Variants in CNNM2 observed in about 807,000 individuals in gnomAD.
CNNM2 encodes the protein metal transporter CNNM2.
Under a neutral mutation model 66.9 loss-of-function variants are expected in CNNM2, and 12 were observed. The observed-to-expected ratio is 0.18, with a 90% CI of 0.11 to 0.29. The LOEUF (loss-of-function observed/expected upper bound fraction) is 0.29, where lower values mean the gene tolerates loss of function less well. Among genes scored for constraint, CNNM2 ranks in the 10% least tolerant of loss-of-function variants. The pLI is 1.00. For synonymous variants in CNNM2, 557 were observed against 501.8 expected (o/e 1.11, Z -1.47); for missense variants, 705 against 1,167.7 (o/e 0.60, Z 5.77).
In CNNM2 at chr10:103,081,722, C is replaced by T. The variant is rs10458729; in HGVS notation, c.*4542C>T. On this transcript the variant is annotated 3_prime_UTR_variant, in exon 8 of 8. Transcript: ENST00000369878. ...CTAGCACTTGCAAGCTTTCTGTCTG[C>T]GATCACGGTTTACTTGCCCATTTCC... is the stretch of plus-strand genomic sequence containing the variant. The T allele has an allele frequency of 0.094, 14,288 of 152,210 alleles. 872 individuals carry two copies. Among genetic ancestry groups the T allele is most frequent in the East Asian group, 0.28 (1,429 of 5,168 alleles). The allele number at this position is 152,210 out of a possible 1,614,324, so 9.4% of individuals were successfully genotyped here.
intron 6 of CNNM2, among the ~76,000 whole-genome samples, chr10:103,072,384 C>A (rs999022001): frequency 6.6e-6 from 1 of 152,220 alleles, no homozygotes; most frequent in African/African-American, 2.4e-5. Flanking sequence ...GGAGCGCGAG[C>A]GCCTCTGCTG....
Position 102,940,710 on chromosome 10 carries a change from G to A in CNNM2, c.1621+20609G>A, listed in dbSNP as rs375315676. Among the ~76,000 whole-genome samples, 20 of 150,242 alleles carry A rather than the reference G, an allele frequency of 1.3e-4. No homozygotes were observed. The East Asian group carries it at 1.6e-3, about 12-fold the overall frequency. ...TGGGATTACAGGTGTGAGCCACCGC[G>A]CCTGGTCCTTATTTTATTATTATTT... On this transcript the variant is annotated intron_variant, in intron 1 of 7. Coordinates refer to ENST00000369878, the MANE Select transcript of CNNM2 (RefSeq NM_017649.5).
chr10:102,940,002 A>G (rs930404414), intron 1 of CNNM2, among the ~76,000 whole-genome samples: 3 of 151,042 alleles, frequency 2.0e-5, no homozygotes, highest in African/African-American at 7.3e-5. Flanking sequence ...AACAACAACA[A>G]AAAAAAAACC....
chr10:102,943,160 G>A (rs1846487325), intron 1 of CNNM2, among the ~76,000 whole-genome samples: 1 of 152,192 alleles, frequency 6.6e-6, no homozygotes, highest in African/African-American at 2.4e-5. Flanking sequence ...GGGAGGTGGA[G>A]GTTGCAGTGA....
chr10:103,061,866 TA>T (rs34245839), intron 4 of CNNM2, among the ~76,000 whole-genome samples: 57 of 151,382 alleles, frequency 3.8e-4, no homozygotes, highest in Admixed American at 2.2e-3. Flanking sequence ...GGGAAAGTAG[TA>T]AAAAAAAATG....
intron 1 of CNNM2, among the ~76,000 whole-genome samples, chr10:102,926,475 C>A (rs1467126519): frequency 1.3e-5 from 2 of 152,250 alleles, no homozygotes; most frequent in East Asian, 3.9e-4. Context: ...AATCTAAACA[C>A]AATTTAAAAT....
chr10:102,976,760 G>A lies in CNNM2; in HGVS notation c.1621+56659G>A, dbSNP rs891365064. ...TGGGATTACAGGCGTGAGCCACTGC[G>A]CTTGCCCTGTCCACTACTTTCTAAT... is the stretch of plus-strand genomic sequence containing the variant. On this transcript the variant is annotated intron_variant, in intron 1 of 7. Transcript: ENST00000369878. Among the ~76,000 whole-genome samples, 63 of 151,464 alleles carry A rather than the reference G, an allele frequency of 4.2e-4. No homozygotes were observed. Among genetic ancestry groups the A allele is most frequent in the African/African-American group, 1.2e-3 (51 of 41,180 alleles).
Position 102,918,548 on chromosome 10 carries a change from C to T in CNNM2, c.68C>T (p.Pro23Leu). 1.9e-6 allele frequency: 3 copies of T among 1,598,828 alleles called. No homozygotes were observed. The highest frequency in any genetic ancestry group is 1.4e-5 in the African/African-American group (1 of 73,062). ...GGCGGGCAGGCAGCCGCCGCACTGC[C>T]CACTTGGAAGATGGCGGCGCGCCGC... The part of the protein sequence containing the change: ...MAGGQAAAAL[P>L]TWKMAARRSL... The change falls in exon 1 of 8, where the codon CCC becomes CTC. Residue 23 changes from proline to leucine, a missense_variant. Physicochemically the swap from Pro to Leu is moderately conservative, Grantham distance 98. Transcript: ENST00000369878. The surrounding 1 kb of genome is among the most constrained non-coding windows in gnomAD (Gnocchi z 4.1).
rs370797788 is a variant in CNNM2, at chr10:102,944,060, C to CT, written c.1621+23962dup. ...CTCACATTTCTTAATTCTCTTTAATCTTTAAGTTGCTACTTTCATAATTCT... is the reference window on the plus strand; with the variant it reads ...CTCACATTTCTTAATTCTCTTTAATCTTTTAAGTTGCTACTTTCATAATTCT... On this transcript the variant is annotated intron_variant, in intron 1 of 7. Transcript: ENST00000369878. 4.3e-4 allele frequency among the ~76,000 whole-genome samples: 64 copies of CT among 150,402 alleles called. 1 individual carries two copies. The highest frequency in any genetic ancestry group is 1.5e-3 in the African/African-American group (61 of 40,994).
intron 1 of CNNM2, among the ~76,000 whole-genome samples, chr10:102,997,606 GTTTGTAAAATA>G (rs964589344): frequency 1.3e-5 from 2 of 151,962 alleles, no homozygotes; most frequent in African/African-American, 2.4e-5. Context: ...GACCAACTAA[GTTTGTAAAATA>G]TTTGTAAAAT....
At chr10:102,990,087 G>A (rs2063872420) in intron 1 of CNNM2, among the ~76,000 whole-genome samples, 1 of 151,902 alleles carries the variant, frequency 6.6e-6, no homozygotes, top group Middle Eastern at 3.4e-3. Context: ...TGGGATTATA[G>A]GCATGTGCCA....
intron 4 of CNNM2, 30 bp from the exon 5 acceptor site, chr10:103,068,599 A>T (rs1223048685): frequency 6.3e-7 from 1 of 1,575,728 alleles, no homozygotes; most frequent in East Asian, 2.3e-5. Context: ...TTGCAACTGG[A>T]CTGAAAATAC....
intron 4 of CNNM2, among the ~76,000 whole-genome samples, chr10:103,060,042 A>G (rs1039936182): frequency 6.6e-6 from 1 of 152,188 alleles, no homozygotes; most frequent in Admixed American, 6.5e-5. Flanking sequence ...CAGGAGGCTG[A>G]GGCAGGATTG....
chr10:102,993,241 A>G (rs918093975), intron 1 of CNNM2, among the ~76,000 whole-genome samples: 1 of 152,194 alleles, frequency 6.6e-6, no homozygotes, highest in Non-Finnish European at 1.5e-5. Context: ...GCTTTAAACT[A>G]TGAGGTCTTA....
At chr10:102,950,674 A>G (rs1329653228) in intron 1 of CNNM2, among the ~76,000 whole-genome samples, 1 of 152,098 alleles carries the variant, frequency 6.6e-6, no homozygotes, top group East Asian at 1.9e-4. Flanking sequence ...GGATCGCTTA[A>G]GCCCAGGAAT....
chr10:103,068,580 A>AGT, intron 4 of CNNM2, 49 bp from the exon 5 acceptor site: 1 of 1,439,616 alleles, frequency 6.9e-7, no homozygotes, highest in Middle Eastern at 1.7e-4. Flanking sequence ...AGAGTGTGCC[A>AGT]GTAGGCTTTT....
In CNNM2 at chr10:102,923,534, A is replaced by G. The variant is rs539981026; in HGVS notation, c.1621+3433A>G. Among the ~76,000 whole-genome samples, 7 of 152,132 alleles carry G rather than the reference A, an allele frequency of 4.6e-5. 1 individual carries two copies. In the South Asian group the frequency reaches 1.5e-3, roughly 32 times the overall value. Reference sequence around the variant, plus strand: ...TGCTGCTCTCCTTGATCCTGGTTTGACATTTCTATTTTACTGAGTGTGAGG... The same window carrying G: ...TGCTGCTCTCCTTGATCCTGGTTTGGCATTTCTATTTTACTGAGTGTGAGG... On this transcript the variant is annotated intron_variant, in intron 1 of 7. Coordinates refer to ENST00000369878, the MANE Select transcript of CNNM2 (RefSeq NM_017649.5).
intron 6 of CNNM2, among the ~76,000 whole-genome samples, 170 bp from the exon 7 acceptor site, chr10:103,075,916 C>T (rs1490167752): frequency 4.6e-5 from 7 of 152,188 alleles, no homozygotes; most frequent in Non-Finnish European, 8.8e-5. Flanking sequence ...CAGGGAAGCC[C>T]GCGAGTCCGC....
At chr10:102,939,799 C>T (rs1460937442) in intron 1 of CNNM2, among the ~76,000 whole-genome samples, 2 of 151,944 alleles carry the variant, frequency 1.3e-5, no homozygotes, top group African/African-American at 4.8e-5. Context: ...GGTGAAACAC[C>T]GTCTCTACTA....
Sources: gnomAD v4.1 joint callset for allele counts (sites outside exome capture counted in the v4.1 genomes callset) on GRCh38, gnomAD v4.1.1 for gene constraint, Gnocchi (gnomAD v3.1) non-coding constraint, MANE v1.5 for transcripts, NCBI Gene and HGNC (gene_info 2026-07-23, HGNC 2026-07-21) for gene names.